The following TMPRSS11F variants were observed in gnomAD, a reference collection of about 807,000 sequenced individuals.
TMPRSS11F encodes the protein transmembrane serine protease 11F.
In TMPRSS11F, 47 loss-of-function variants were observed where a neutral mutation model predicts 60.2. The ratio of observed to expected loss-of-function variants is 0.78; its 90% CI spans 0.62 to 1.00. The LOEUF (loss-of-function observed/expected upper bound fraction) is 1.00, where lower values mean the gene tolerates loss of function less well. Ranked by LOEUF, TMPRSS11F falls within the 50% of genes least tolerant of loss-of-function variation. The pLI, the probability that TMPRSS11F is intolerant of heterozygous loss-of-function variation, is 0.00. For missense variants in TMPRSS11F, 519 were observed against 522.9 expected, an observed-to-expected ratio of 0.99 and a Z score of 0.07; for synonymous variants, 166 against 167.3, an observed-to-expected ratio of 0.99 and a Z score of 0.06.
At chr4:68,128,721 G>C (rs1461842551) in intron 1 of TMPRSS11F, among the ~76,000 whole-genome samples, 1 of 151,878 alleles carries the variant, frequency 6.6e-6, no homozygotes, top group Non-Finnish European at 1.5e-5. Context: ...TCTACTGTAC[G>C]TTTTGTCTTA....
At chr4:68,080,223 C>G (rs1723663819) in intron 3 of TMPRSS11F, 1 of 152,170 alleles carries the variant, frequency 6.6e-6, no homozygotes, top group South Asian at 2.1e-4. Flanking sequence ...AAAGCAAAGC[C>G]AGGATCATGA....
At chr4:68,095,360 C>G (rs1724050957) in intron 2 of TMPRSS11F, among the ~76,000 whole-genome samples, 1 of 151,988 alleles carries the variant, frequency 6.6e-6, no homozygotes, top group Non-Finnish European at 1.5e-5. Context: ...GGGAAAACGA[C>G]TTAAAAAGGC....
intron 1 of TMPRSS11F, among the ~76,000 whole-genome samples, chr4:68,122,354 A>C (rs553071423): frequency 6.6e-6 from 1 of 152,262 alleles, no homozygotes; most frequent in Non-Finnish European, 1.5e-5. Context: ...AAAATCCATT[A>C]ATTTATTATA....
At chr4:68,068,466 C>A in intron 7 of TMPRSS11F, 152 bp downstream of exon 7, 1 of 628,134 alleles carries the variant, frequency 1.6e-6, no homozygotes, top group Non-Finnish European at 2.8e-6. Context: ...ATAGATAGGG[C>A]ATAGGGGAAG....
intron 7 of TMPRSS11F, among the ~76,000 whole-genome samples, chr4:68,067,507 G>C (rs935074957): frequency 6.6e-6 from 1 of 150,616 alleles, no homozygotes; most frequent in Non-Finnish European, 1.5e-5. Flanking sequence ...CATAAAGAGA[G>C]ATCAGTTATA....
intron 1 of TMPRSS11F, among the ~76,000 whole-genome samples, chr4:68,116,402 T>G (rs1037200132): frequency 3.3e-5 from 5 of 152,110 alleles, no homozygotes; most frequent in African/African-American, 9.7e-5. Context: ...ATGAATATTG[T>G]TAAAATGCCC....
At chr4:68,072,250 T>TATATATATA (rs537020566) in intron 5 of TMPRSS11F, 73 bp downstream of exon 5, 31 of 224,056 alleles carry the variant, frequency 1.4e-4, no homozygotes, top group East Asian at 3.3e-4. Flanking sequence ...TATATATATA[T>TATATATATA]TGCTTACAAA....
chr4:68,063,018 A>G, intron 8 of TMPRSS11F: 1 of 683,552 alleles, frequency 1.5e-6, no homozygotes, highest in Non-Finnish European at 2.8e-6. Flanking sequence ...GACATTTCTG[A>G]CACGCTCATT....
rs185600242 is a variant in TMPRSS11F, at chr4:68,129,113, T to A, written c.11+697A>T. 6.6e-5 allele frequency among the ~76,000 whole-genome samples: 10 copies of A among 152,278 alleles called. No homozygotes were observed. In the East Asian group the frequency reaches 1.9e-3, roughly 29 times the overall value. Reference sequence around the variant, plus strand: ...AGGCTAGACTTAGCACAAGTTTGAATGAAATCATCCATCAAATATCAATTA... The same window carrying A: ...AGGCTAGACTTAGCACAAGTTTGAAAGAAATCATCCATCAAATATCAATTA... On this transcript the variant is annotated intron_variant, in intron 1 of 9. Coordinates refer to ENST00000356291, the MANE Select transcript of TMPRSS11F (RefSeq NM_207407.2).
chr4:68,101,788 A>G (rs1484725764), intron 1 of TMPRSS11F, among the ~76,000 whole-genome samples: 1 of 152,198 alleles, frequency 6.6e-6, no homozygotes, highest in Non-Finnish European at 1.5e-5. Context: ...ATAGTGAAAC[A>G]AATTCACTTA....
intron 9 of TMPRSS11F, among the ~76,000 whole-genome samples, chr4:68,054,834 TAG>T (rs1723007615): frequency 6.6e-6 from 1 of 152,176 alleles, no homozygotes; most frequent in Non-Finnish European, 1.5e-5. Context: ...CCTGTGCTCA[TAG>T]AGTTTGAAGT....
At chr4:68,103,520 C>G (rs1487896421) in intron 1 of TMPRSS11F, among the ~76,000 whole-genome samples, 1 of 151,926 alleles carries the variant, frequency 6.6e-6, no homozygotes, top group East Asian at 1.9e-4. Flanking sequence ...TTTTACTGCC[C>G]TGTTAGTCTT....
rs572357713 is a variant in TMPRSS11F at position 68,082,335 on chromosome 4, C to G, written c.282+8188G>C. Among the ~76,000 whole-genome samples, 3 of 152,264 alleles carry G rather than the reference C, an allele frequency of 2.0e-5. No homozygotes were observed. The South Asian group carries it at 6.2e-4, about 32-fold the overall frequency. On this transcript the variant is annotated intron_variant, in intron 3 of 9. Transcript: ENST00000356291. The stretch of plus-strand genomic sequence containing the variant: ...CAGAGAGAGCTCCTGCCTGCATGGA[C>G]CCCAGAGGGTTTTGCACGTGAGGCA...
At chr4:68,092,076 G>A (rs928645547) in intron 2 of TMPRSS11F, among the ~76,000 whole-genome samples, 17 of 152,122 alleles carry the variant, frequency 1.1e-4, no homozygotes, top group African/African-American at 2.2e-4. Context: ...GTGAGCCACC[G>A]CACCTGGCCA....
At chr4:68,067,982 C>G (rs1220224993) in intron 7 of TMPRSS11F, among the ~76,000 whole-genome samples, 1 of 152,162 alleles carries the variant, frequency 6.6e-6, no homozygotes, top group Non-Finnish European at 1.5e-5. Flanking sequence ...ATGTATGTCT[C>G]TGTACATGAA....
intron 1 of TMPRSS11F, among the ~76,000 whole-genome samples, chr4:68,129,020 C>T (rs1724766551): frequency 6.6e-6 from 1 of 152,082 alleles, no homozygotes; most frequent in Non-Finnish European, 1.5e-5. Context: ...AAGTTGGAAA[C>T]ATCAGTCAGT....
chr4:68,078,802 C>T (rs1300975339), intron 3 of TMPRSS11F, among the ~76,000 whole-genome samples: 2 of 152,088 alleles, frequency 1.3e-5, no homozygotes, highest in East Asian at 1.9e-4. Flanking sequence ...AGTCATGACA[C>T]TTACAATTTC....
intron 3 of TMPRSS11F, 138 bp downstream of exon 3, chr4:68,090,385 C>T: frequency 1.5e-6 from 2 of 1,308,406 alleles, no homozygotes; most frequent in Non-Finnish European, 2.0e-6. Context: ...ATTTAATCCT[C>T]ACAACTGTAT....
intron 3 of TMPRSS11F, among the ~76,000 whole-genome samples, chr4:68,090,164 TAAAC>T (rs1448100740): frequency 1.3e-5 from 2 of 152,026 alleles, no homozygotes; most frequent in Non-Finnish European, 2.9e-5. Context: ...GCTGTCAAAA[TAAAC>T]AAACCGGTAA....
Sources: allele counts gnomAD v4.1 joint callset (sites outside exome capture counted in the v4.1 genomes callset), GRCh38; gene constraint gnomAD v4.1.1; transcripts MANE v1.5; gene names NCBI Gene and HGNC (gene_info 2026-07-23, HGNC 2026-07-21).